Variants in CLSTN2 observed in about 807,000 individuals in gnomAD.
The protein encoded by CLSTN2 is calsyntenin 2.
Under a neutral mutation model 101.2 loss-of-function variants are expected in CLSTN2, and 48 were observed. That is an observed-to-expected ratio of 0.47 (90% CI 0.38 to 0.60). The LOEUF is 0.60. CLSTN2 is among the 20% of genes least tolerant of loss of function. The pLI is 0.00. For missense variants in CLSTN2, 1,160 were observed against 1,238.2 expected (o/e 0.94, Z 0.95); for synonymous variants, 481 against 463.6 (o/e 1.04, Z -0.48).
intron 2 of CLSTN2, among the ~76,000 whole-genome samples, chr3:140,363,733 G>A (rs943697136): frequency 1.3e-5 from 2 of 152,160 alleles, no homozygotes; most frequent in African/African-American, 4.8e-5. Context: ...AGGGCAATGG[G>A]CAACCATCCA....
chr3:140,167,420 A>G lies in CLSTN2; in HGVS notation c.110-8531A>G, dbSNP rs558762239. Among the ~76,000 whole-genome samples, 10 of 152,240 alleles carry G rather than the reference A, an allele frequency of 6.6e-5. No homozygotes were observed. The South Asian group carries it at 2.1e-3, about 32-fold the overall frequency. ...AATCCTGGGTTAGCTTGACTGAGTTAGCACTTCTCTTTTTCCATAGCACTC... is the reference window on the plus strand; with the variant it reads ...AATCCTGGGTTAGCTTGACTGAGTTGGCACTTCTCTTTTTCCATAGCACTC... On this transcript the variant is annotated intron_variant, in intron 1 of 16. Coordinates refer to ENST00000458420, the MANE Select transcript of CLSTN2 (RefSeq NM_022131.3).
intron 2 of CLSTN2, among the ~76,000 whole-genome samples, chr3:140,355,879 G>T (rs1217140260): frequency 6.6e-6 from 1 of 152,246 alleles, no homozygotes; most frequent in Non-Finnish European, 1.5e-5. Flanking sequence ...AGGCGAGCAT[G>T]TGCTTTTTGC....
At chr3:139,951,014 C>T (rs72979855) in intron 1 of CLSTN2, among the ~76,000 whole-genome samples, 2 of 152,212 alleles carry the variant, frequency 1.3e-5, no homozygotes, top group Admixed American at 1.3e-4. Flanking sequence ...ACAAAGCATT[C>T]TTTGGCCTCA....
At chr3:140,213,368 A>G (rs531641248) in intron 2 of CLSTN2, among the ~76,000 whole-genome samples, 51 of 152,266 alleles carry the variant, frequency 3.3e-4, no homozygotes, top group African/African-American at 9.6e-4. Flanking sequence ...GAAGCAATAA[A>G]AAGATCCTGA....
chr3:140,171,829 A>T (rs2010238002), intron 1 of CLSTN2, among the ~76,000 whole-genome samples: 1 of 91,122 alleles, frequency 1.1e-5, no homozygotes, highest in Admixed American at 1.5e-4. Context: ...ATTATATATA[A>T]TAACAATATA....
Position 140,570,060 on chromosome 3 carries a change from A to G in CLSTN2, c.*3807A>G, listed in dbSNP as rs984438779. Reference sequence around the variant, plus strand: ...CATCTTTGCATTTAATAAGGGCTCTACTTTGTATACATGGACCATCCAGTG... The same window carrying G: ...CATCTTTGCATTTAATAAGGGCTCTGCTTTGTATACATGGACCATCCAGTG... On this transcript the variant is annotated 3_prime_UTR_variant, in exon 17 of 17. Transcript: ENST00000458420. 1 of 152,194 alleles carries G rather than the reference A, an allele frequency of 6.6e-6. No homozygotes were observed. The highest frequency in any genetic ancestry group is 1.5e-5 in the Non-Finnish European group (1 of 68,032). 9.4% of individuals were successfully genotyped at this position (152,194 alleles called of 1,614,324 possible). A position where few individuals can be genotyped will look rare whatever the true frequency, so the allele number is the denominator to read the frequency against.
At chr3:140,315,244 A>T (rs2087217302) in intron 2 of CLSTN2, among the ~76,000 whole-genome samples, 1 of 152,200 alleles carries the variant, frequency 6.6e-6, no homozygotes. Context: ...AATGTGTGTA[A>T]AATGATGGGA....
chr3:140,300,774 G>A (rs532296499), intron 2 of CLSTN2, among the ~76,000 whole-genome samples: 1 of 151,828 alleles, frequency 6.6e-6, no homozygotes, highest in Non-Finnish European at 1.5e-5. Context: ...GATTAGTCAG[G>A]GTTCTCTAGA....
At chr3:139,986,500 T>C (rs72979888) in intron 1 of CLSTN2, among the ~76,000 whole-genome samples, 6,985 of 152,186 alleles carry the variant, frequency 0.046, 182 homozygotes, top group African/African-American at 0.056. Flanking sequence ...AGGGAGGGTG[T>C]TTGTTCAGTG....
chr3:140,568,214 T>G lies in CLSTN2; in HGVS notation c.*1961T>G, dbSNP rs1985361919. On this transcript the variant is annotated 3_prime_UTR_variant, in exon 17 of 17. Coordinates refer to ENST00000458420, the MANE Select transcript of CLSTN2 (RefSeq NM_022131.3). The stretch of plus-strand genomic sequence containing the variant: ...CAAACCTACTATGTGCTAAGCATCC[T>G]ACCAATAGCTGTGAGAAAAAGAAAA... 6.6e-6 allele frequency: 1 copy of G among 152,246 alleles called. No homozygotes were observed. Among genetic ancestry groups the G allele is most frequent in the Admixed American group, 6.5e-5 (1 of 15,288 alleles). 9.4% of individuals were successfully genotyped at this position (152,246 alleles called of 1,614,324 possible).
chr3:140,093,145 T>C (rs2008809685), intron 1 of CLSTN2, among the ~76,000 whole-genome samples: 1 of 152,136 alleles, frequency 6.6e-6, no homozygotes, highest in Non-Finnish European at 1.5e-5. Context: ...ACTGACTCCC[T>C]CAACTGCAGC....
intron 1 of CLSTN2, among the ~76,000 whole-genome samples, chr3:140,064,278 T>G (rs1384649956): frequency 1.3e-5 from 2 of 152,238 alleles, no homozygotes; most frequent in Non-Finnish European, 2.9e-5. Flanking sequence ...CGTCTACTTA[T>G]GCAAAAGGTT....
At chr3:140,350,617 G>A (rs969497929) in intron 2 of CLSTN2, among the ~76,000 whole-genome samples, 1 of 152,184 alleles carries the variant, frequency 6.6e-6, no homozygotes, top group Non-Finnish European at 1.5e-5. Context: ...TTCATTGCTT[G>A]CTAGAAACTT....
At chr3:140,318,120 G>A (rs1207776648) in intron 2 of CLSTN2, among the ~76,000 whole-genome samples, 1 of 152,136 alleles carries the variant, frequency 6.6e-6, no homozygotes, top group Non-Finnish European at 1.5e-5. Context: ...ATGGAGCCAC[G>A]GTGCCTGGCT....
At chr3:140,328,781 G>T (rs1400014804) in intron 2 of CLSTN2, among the ~76,000 whole-genome samples, 1 of 152,168 alleles carries the variant, frequency 6.6e-6, no homozygotes, top group Non-Finnish European at 1.5e-5. Flanking sequence ...AAATAAAAAT[G>T]ATAGTAGCAG....
intron 1 of CLSTN2, among the ~76,000 whole-genome samples, chr3:140,085,564 T>C (rs1244864624): frequency 6.6e-6 from 1 of 152,102 alleles, no homozygotes; most frequent in African/African-American, 2.4e-5. Flanking sequence ...TGGGGGCAAT[T>C]TACTATGGCT....
chr3:140,272,372 C>T (rs1263358668), intron 2 of CLSTN2, among the ~76,000 whole-genome samples: 1 of 152,172 alleles, frequency 6.6e-6, no homozygotes, highest in Non-Finnish European at 1.5e-5. Context: ...CAATTGATAT[C>T]TCACAGTGTA....
At chr3:140,267,071 A>T (rs919470427) in intron 2 of CLSTN2, among the ~76,000 whole-genome samples, 4 of 152,164 alleles carry the variant, frequency 2.6e-5, no homozygotes, top group African/African-American at 9.6e-5. Flanking sequence ...CAAGATTTGG[A>T]AACCAGGTCT....
At chr3:140,406,472 A>C (rs1277444260) in intron 4 of CLSTN2, among the ~76,000 whole-genome samples, 1 of 152,244 alleles carries the variant, frequency 6.6e-6, no homozygotes, top group Non-Finnish European at 1.5e-5. Flanking sequence ...GTCAATGCAC[A>C]AGCAAGTAAA....
Sources: allele counts gnomAD v4.1 joint callset (sites outside exome capture counted in the v4.1 genomes callset), GRCh38; gene constraint gnomAD v4.1.1; transcripts MANE v1.5; gene names NCBI Gene and HGNC (gene_info 2026-07-23, HGNC 2026-07-21).